The following CLCN3 variants were observed in gnomAD, a reference collection of about 807,000 sequenced individuals.
The protein encoded by CLCN3 is H(+)/Cl(-) exchange transporter 3.
In CLCN3, 16 loss-of-function variants were observed where a neutral mutation model predicts 83.4. That is an observed-to-expected ratio of 0.19 (90% CI 0.13 to 0.29). The LOEUF (loss-of-function observed/expected upper bound fraction) is 0.29, where lower values mean the gene tolerates loss of function less well. CLCN3 is among the 10% of genes least tolerant of loss of function. The probability of loss-of-function intolerance (pLI) is 1.00; values close to 1 mark genes in which losing one functional copy is unlikely to be tolerated. For missense variants in CLCN3, 544 were observed against 1,006.0 expected (o/e 0.54, Z 6.21); for synonymous variants, 322 against 346.2 (o/e 0.93, Z 0.78).
At chr4:169,659,719 G>GT in intron 2 of CLCN3, among the ~76,000 whole-genome samples, 1 of 150,990 alleles carries the variant, frequency 6.6e-6, no homozygotes, top group African/African-American at 2.4e-5. Context: ...GTATTATAGA[G>GT]TATTTTTTTT....
chr4:169,710,658 T>G (rs1242867392), intron 11 of CLCN3, among the ~76,000 whole-genome samples: 30 of 152,230 alleles, frequency 2.0e-4, no homozygotes, highest in Admixed American at 2.0e-3. Context: ...TTCCATTAAA[T>G]AATTTTTTAA....
intron 2 of CLCN3, among the ~76,000 whole-genome samples, chr4:169,677,411 C>A (rs1341437057): frequency 3.9e-5 from 6 of 152,190 alleles, no homozygotes; most frequent in African/African-American, 1.4e-4. Flanking sequence ...TTATTTTCTG[C>A]TACTATGGCA....
chr4:169,665,182 T>G (rs1005602140), intron 2 of CLCN3, among the ~76,000 whole-genome samples: 10 of 152,228 alleles, frequency 6.6e-5, no homozygotes, highest in African/African-American at 1.9e-4. Flanking sequence ...ACAGATGTCT[T>G]AATATCCACC....
chr4:169,636,200 A>C (rs963285363), intron 2 of CLCN3, 112 bp downstream of exon 2: 1 of 937,972 alleles, frequency 1.1e-6, no homozygotes, highest in East Asian at 2.6e-5. Flanking sequence ...TTGAGATCAA[A>C]TTTACATAAC....
At chr4:169,683,250 T>A (rs1732017428) in intron 3 of CLCN3, among the ~76,000 whole-genome samples, 1 of 152,176 alleles carries the variant, frequency 6.6e-6, no homozygotes, top group South Asian at 2.1e-4. Context: ...GTAATCCCAG[T>A]GCTTTGGAAG....
At chr4:169,663,764 C>G in intron 2 of CLCN3, 1 of 273,674 alleles carries the variant, frequency 3.7e-6, no homozygotes, top group Middle Eastern at 4.8e-4. Flanking sequence ...AAGGAAAAGT[C>G]AGAATTCCAT....
At chr4:169,623,566 T>C (rs1186467280) in intron 1 of CLCN3, among the ~76,000 whole-genome samples, 2 of 152,198 alleles carry the variant, frequency 1.3e-5, no homozygotes, top group Non-Finnish European at 2.9e-5. Flanking sequence ...TATAGTACAT[T>C]ATTATTAATT....
At chr4:169,719,766 A>G (rs1733563045) in intron 12 of CLCN3, 141 bp from the exon 13 acceptor site, 1 of 603,526 alleles carries the variant, frequency 1.7e-6, no homozygotes, top group Non-Finnish European at 2.9e-6. Flanking sequence ...TATCTTTACC[A>G]ATAAAGTACT....
intron 2 of CLCN3, among the ~76,000 whole-genome samples, chr4:169,636,367 AG>A (rs1773502807): frequency 6.6e-6 from 1 of 152,190 alleles, no homozygotes; most frequent in African/African-American, 2.4e-5. Flanking sequence ...TAATACAGAG[AG>A]GTGTGCAATC....
At chr4:169,659,413 A>G (rs531649669) in intron 2 of CLCN3, among the ~76,000 whole-genome samples, 1 of 152,316 alleles carries the variant, frequency 6.6e-6, no homozygotes, top group South Asian at 2.1e-4. Context: ...TCACTTTGAG[A>G]CACATTTTTG....
At chr4:169,711,089 G>T (rs1455874443) in intron 11 of CLCN3, among the ~76,000 whole-genome samples, 2 of 152,138 alleles carry the variant, frequency 1.3e-5, no homozygotes, top group Non-Finnish European at 2.9e-5. Flanking sequence ...TTATGAATTT[G>T]ACTATATATT....
At chr4:169,694,855 A>G (rs1581259466) in intron 7 of CLCN3, among the ~76,000 whole-genome samples, 1 of 152,192 alleles carries the variant, frequency 6.6e-6, no homozygotes. Flanking sequence ...AAATAAAGGA[A>G]TACAGACTCT....
At chr4:169,675,256 G>T (rs1190390792) in intron 2 of CLCN3, among the ~76,000 whole-genome samples, 1 of 152,162 alleles carries the variant, frequency 6.6e-6, no homozygotes, top group Non-Finnish European at 1.5e-5. Flanking sequence ...TGGCATCGTG[G>T]TTCTTTGTGT....
chr4:169,676,803 G>A (rs553825469), intron 2 of CLCN3, among the ~76,000 whole-genome samples: 5 of 151,814 alleles, frequency 3.3e-5, no homozygotes, highest in Admixed American at 6.6e-5. Context: ...TGGCCCAAAA[G>A]CTCTTTTTCT....
intron 3 of CLCN3, among the ~76,000 whole-genome samples, chr4:169,682,515 A>T (rs1731984365): frequency 6.6e-6 from 1 of 152,212 alleles, no homozygotes; most frequent in South Asian, 2.1e-4. Context: ...TCCATGTAAG[A>T]AGTGTCTAGT....
At chr4:169,623,238 G>A (rs1322018948) in intron 1 of CLCN3, among the ~76,000 whole-genome samples, 1 of 151,942 alleles carries the variant, frequency 6.6e-6, no homozygotes, top group African/African-American at 2.4e-5. Context: ...ACTTTTTATT[G>A]GTTTATTGTT....
intron 3 of CLCN3, among the ~76,000 whole-genome samples, chr4:169,685,092 C>T (rs1164216884): frequency 2.6e-5 from 4 of 151,192 alleles, no homozygotes; most frequent in Non-Finnish European, 5.9e-5. Context: ...GCAGAGATTA[C>T]AGACCTGAGC....
chr4:169,672,527 C>T (rs1056036760), intron 2 of CLCN3, among the ~76,000 whole-genome samples: 17 of 152,240 alleles, frequency 1.1e-4, no homozygotes, highest in African/African-American at 4.1e-4. Flanking sequence ...CTAAAAGATA[C>T]ATCCTTTATT....
intron 11 of CLCN3, among the ~76,000 whole-genome samples, chr4:169,708,544 C>A (rs1362113060): frequency 6.6e-6 from 1 of 152,094 alleles, no homozygotes; most frequent in Non-Finnish European, 1.5e-5. Context: ...AAAAGAATTT[C>A]ATTGTTTAAG....
Sources: gnomAD v4.1 joint callset for allele counts (sites outside exome capture counted in the v4.1 genomes callset) on GRCh38, gnomAD v4.1.1 for gene constraint, MANE v1.5 for transcripts, NCBI Gene and HGNC (gene_info 2026-07-23, HGNC 2026-07-21) for gene names.